Variants in GPC6 observed in about 807,000 individuals in gnomAD.
GPC6 encodes the protein glypican 6.
Under a neutral mutation model 55.2 loss-of-function variants are expected in GPC6, and 14 were observed. The observed-to-expected ratio is 0.25, with a 90% CI of 0.17 to 0.40. The LOEUF is 0.40. Among genes scored for constraint, GPC6 ranks in the 10% least tolerant of loss-of-function variants. GPC6 has a pLI of 1.00. For missense variants in GPC6, 641 were observed against 708.5 expected, an observed-to-expected ratio of 0.90 and a Z score of 1.08; for synonymous variants, 278 against 259.6, an observed-to-expected ratio of 1.07 and a Z score of -0.68.
chr13:94,129,662 C>A (rs1214671096), intron 4 of GPC6, among the ~76,000 whole-genome samples: 2 of 152,032 alleles, frequency 1.3e-5, no homozygotes, highest in African/African-American at 2.4e-5. Context: ...ATCGTTCTAA[C>A]TTCTGTTTGG....
intron 1 of GPC6, among the ~76,000 whole-genome samples, chr13:93,296,239 T>A (rs2139087498): frequency 6.6e-6 from 1 of 152,356 alleles, no homozygotes; most frequent in Non-Finnish European, 1.5e-5. Context: ...TAATTTATGA[T>A]GTAGTCTAGT....
intron 2 of GPC6, among the ~76,000 whole-genome samples, chr13:93,690,995 G>A (rs1027151905): frequency 1.3e-5 from 2 of 151,996 alleles, no homozygotes; most frequent in African/African-American, 4.8e-5. Context: ...AAAACAATTA[G>A]TGTATTTCTT....
At chr13:94,084,989 C>T (rs1442902315) in intron 4 of GPC6, among the ~76,000 whole-genome samples, 1 of 151,900 alleles carries the variant, frequency 6.6e-6, no homozygotes, top group Non-Finnish European at 1.5e-5. Context: ...TATCATGGAT[C>T]TTATACTTTA....
intron 4 of GPC6, among the ~76,000 whole-genome samples, chr13:94,131,440 C>G (rs1461814473): frequency 2.6e-5 from 4 of 151,984 alleles, no homozygotes; most frequent in Non-Finnish European, 4.4e-5. Flanking sequence ...TTTAATAAAC[C>G]ACATTCTGGG....
intron 1 of GPC6, among the ~76,000 whole-genome samples, chr13:93,267,902 A>G (rs1877379090): frequency 6.6e-6 from 1 of 152,132 alleles, no homozygotes; most frequent in East Asian, 1.9e-4. Flanking sequence ...TGGGGAAAAA[A>G]TGTGTCATTA....
chr13:93,223,500 G>A (rs1316828120), upstream of GPC6, among the ~76,000 whole-genome samples: 2 of 152,094 alleles, frequency 1.3e-5, no homozygotes, highest in African/African-American at 4.8e-5. Context: ...CTGGAGTGCA[G>A]TGGCGTGATC....
At chr13:93,798,908 G>A (rs1886285479) in intron 2 of GPC6, among the ~76,000 whole-genome samples, 2 of 102,736 alleles carry the variant, frequency 1.9e-5, no homozygotes, top group South Asian at 6.0e-4. Flanking sequence ...GACAGAGCAA[G>A]ACTCTGTCTC....
chr13:93,368,186 T>C (rs1177477424), intron 1 of GPC6, among the ~76,000 whole-genome samples: 1 of 152,064 alleles, frequency 6.6e-6, no homozygotes, highest in Non-Finnish European at 1.5e-5. Context: ...CTTCTCTATG[T>C]TCAATAATTG....
At chr13:94,057,278 T>A (rs1884163426) in intron 4 of GPC6, among the ~76,000 whole-genome samples, 1 of 152,180 alleles carries the variant, frequency 6.6e-6, no homozygotes, top group Admixed American at 6.6e-5. Context: ...ACAAGTGTAA[T>A]CTTATCATAT....
At chr13:94,120,494 G>GA (rs1477954031) in intron 4 of GPC6, among the ~76,000 whole-genome samples, 1 of 151,646 alleles carries the variant, frequency 6.6e-6, no homozygotes, top group Non-Finnish European at 1.5e-5. Context: ...GATGCATCTA[G>GA]AAACTGATCA....
intron 2 of GPC6, among the ~76,000 whole-genome samples, chr13:93,595,218 TG>T (rs1877672141): frequency 6.6e-6 from 1 of 152,126 alleles, no homozygotes; most frequent in African/African-American, 2.4e-5. Flanking sequence ...TTCATTAAGT[TG>T]GATAAGCTAA....
chr13:94,183,147 A>G (rs998641778), intron 4 of GPC6, among the ~76,000 whole-genome samples: 8 of 152,220 alleles, frequency 5.3e-5, no homozygotes, highest in East Asian at 1.9e-4. Context: ...CATTACCTCT[A>G]TCTGTTCCAA....
chr13:94,351,962 C>CAAAAAAAAAAAAAA (rs60206836), intron 6 of GPC6, among the ~76,000 whole-genome samples: 3 of 101,548 alleles, frequency 3.0e-5, no homozygotes, highest in East Asian at 3.1e-4. Flanking sequence ...GAGAAGAAGG[C>CAAAAAAAAAAAAAA]AAAAAAAAAA....
At chr13:93,672,562 C>T (rs890499444) in intron 2 of GPC6, among the ~76,000 whole-genome samples, 6 of 151,412 alleles carry the variant, frequency 4.0e-5, no homozygotes, top group Non-Finnish European at 8.8e-5. Context: ...TTATCTACCT[C>T]TTTTGTATGG....
chr13:93,272,490 G>GTATA (rs71202576), intron 1 of GPC6, among the ~76,000 whole-genome samples: 7,636 of 95,046 alleles, frequency 0.08, 261 homozygotes, highest in Non-Finnish European at 0.11. Context: ...CATTGTCTGT[G>GTATA]TGTATATATA....
chr13:94,336,336 T>G (rs1877698360), intron 6 of GPC6, among the ~76,000 whole-genome samples: 1 of 152,176 alleles, frequency 6.6e-6, no homozygotes. Context: ...GATTTCCAGA[T>G]GTTCTTTGAT....
chr13:93,836,587 T>C (rs779728156), intron 3 of GPC6, among the ~76,000 whole-genome samples: 12 of 152,206 alleles, frequency 7.9e-5, no homozygotes, highest in Non-Finnish European at 8.8e-5. Flanking sequence ...ATATACAGTG[T>C]TATGAATAAT....
chr13:93,351,799 G>A (rs143071366), intron 1 of GPC6, among the ~76,000 whole-genome samples: 6 of 152,168 alleles, frequency 3.9e-5, no homozygotes, highest in East Asian at 3.9e-4. Context: ...TGGAACCACC[G>A]TTGATTACGT....
chr13:94,392,157 T>C (rs1198867029), intron 7 of GPC6, among the ~76,000 whole-genome samples: 1 of 152,160 alleles, frequency 6.6e-6, no homozygotes, highest in African/African-American at 2.4e-5. Context: ...AAGATATCTG[T>C]ATACTTCTCT....
Sources: gnomAD v4.1 joint callset for allele counts (sites outside exome capture counted in the v4.1 genomes callset) on GRCh38, gnomAD v4.1.1 for gene constraint, MANE v1.5 for transcripts, NCBI Gene and HGNC (gene_info 2026-07-23, HGNC 2026-07-21) for gene names.